Variants in CACNA1C observed in about 807,000 individuals in gnomAD.
The protein encoded by CACNA1C is calcium voltage-gated channel subunit alpha1 C.
A neutral mutation model predicts 229.0 loss-of-function variants in CACNA1C; 30 were observed. The observed-to-expected ratio is 0.13, with a 90% CI of 0.10 to 0.18. The LOEUF (loss-of-function observed/expected upper bound fraction) is 0.18. Among genes scored for constraint, CACNA1C ranks in the 10% least tolerant of loss-of-function variants. The probability of loss-of-function intolerance (pLI) is 1.00; values close to 1 mark genes in which losing one functional copy is unlikely to be tolerated. For missense variants in CACNA1C, 1,658 were observed against 2,845.0 expected (o/e 0.58, Z 9.49); for synonymous variants, 1,114 against 1,132.5 (o/e 0.98, Z 0.33).
chr12:2,314,471 C>T (rs536113678), intron 3 of CACNA1C, among the ~76,000 whole-genome samples: 2 of 152,340 alleles, frequency 1.3e-5, no homozygotes, highest in African/African-American at 2.4e-5. Flanking sequence ...AGACACAGAA[C>T]GTTACTCACA....
rs1303214053 is a variant in CACNA1C, at chr12:2,605,585, C to G, written c.3049-94C>G. 1.2e-6 allele frequency: 1 copy of G among 861,344 alleles called. No individual in the cohort carries two copies. The highest frequency in any genetic ancestry group is 2.0e-6 in the Non-Finnish European group (1 of 508,444). The allele number at this position is 861,344 out of a possible 1,614,324, so 53.4% of individuals were successfully genotyped here. A position where few individuals can be genotyped will look rare whatever the true frequency, so the allele number is the denominator to read the frequency against. On this transcript the variant is annotated intron_variant, in intron 23 of 46. Transcript: ENST00000399655. This position sits in a 1 kb window ranked among gnomAD's most constrained non-coding sequence, Gnocchi z 6.2. The stretch of plus-strand genomic sequence containing the variant: ...TTGCCCCTCTCAGCCCAATTACTCC[C>G]CGTTGTGGCAAACGGGCTGCCCCTG...
chr12:2,205,408 T>C (rs1299920405), intron 3 of CACNA1C, among the ~76,000 whole-genome samples: 1 of 152,208 alleles, frequency 6.6e-6, no homozygotes, highest in Admixed American at 6.5e-5. Flanking sequence ...TCGGGTCTCA[T>C]TATGTGTCAC....
At chr12:2,258,798 C>T (rs1002317159) in intron 3 of CACNA1C, among the ~76,000 whole-genome samples, 5 of 152,072 alleles carry the variant, frequency 3.3e-5, no homozygotes, top group African/African-American at 7.2e-5. Flanking sequence ...TTAAAGTTAC[C>T]GAATATTTCT....
At chr12:2,664,632 A>T (rs1446683708) in intron 34 of CACNA1C, among the ~76,000 whole-genome samples, 193 bp from the exon 35 acceptor site, 1 of 152,240 alleles carries the variant, frequency 6.6e-6, no homozygotes, top group Non-Finnish European at 1.5e-5. Flanking sequence ...TACTGTTTAT[A>T]TAAAATTTTA....
chr12:2,117,869 C>T (rs1022338305), intron 2 of CACNA1C, among the ~76,000 whole-genome samples: 1 of 152,204 alleles, frequency 6.6e-6, no homozygotes, highest in African/African-American at 2.4e-5. Flanking sequence ...GGGTGGCATT[C>T]CAAGATTGCT....
In CACNA1C at chr12:2,681,680, C is replaced by T. The variant is rs141610360; in HGVS notation, c.5445-870C>T. On this transcript the variant is annotated intron_variant, in intron 42 of 46. Coordinates refer to ENST00000399655, the MANE Select transcript of CACNA1C (RefSeq NM_000719.7). ...TCTCATCTTTCCTTCCACTGCGGGG[C>T]GGGTGGCAGTCTGCAGTCCTCCTCC... Among the ~76,000 whole-genome samples the T allele has an allele frequency of 1.2e-3, 188 of 152,214 alleles. 3 individuals carry two copies. In the East Asian group the frequency reaches 0.027, roughly 21 times the overall value.
intron 29 of CACNA1C, among the ~76,000 whole-genome samples, chr12:2,619,605 C>G (rs771360789): frequency 6.6e-6 from 1 of 152,162 alleles, no homozygotes; most frequent in South Asian, 2.1e-4. Context: ...CTATCACTCC[C>G]CTTTCCTGTG....
chr12:2,690,469 A>C (rs1235056496), intron 46 of CACNA1C, among the ~76,000 whole-genome samples: 1 of 152,192 alleles, frequency 6.6e-6, no homozygotes, highest in East Asian at 1.9e-4. Flanking sequence ...TGCTAAGATC[A>C]CAGGTGTGCA....
chr12:2,561,380 C>T (rs2047397612), intron 11 of CACNA1C, among the ~76,000 whole-genome samples: 1 of 152,192 alleles, frequency 6.6e-6, no homozygotes, highest in South Asian at 2.1e-4. Context: ...TCTGTGTCTC[C>T]GTGTAGCTTT....
At chr12:2,172,000 C>T (rs2096500568) in intron 3 of CACNA1C, among the ~76,000 whole-genome samples, 1 of 152,210 alleles carries the variant, frequency 6.6e-6, no homozygotes, top group Non-Finnish European at 1.5e-5. Flanking sequence ...AGAGACCAGT[C>T]TCTGAACCGA....
In CACNA1C at chr12:2,432,448, T is replaced by C. The variant is rs536187756; in HGVS notation, c.478-16528T>C. ...ATCATCAGCCTCAAAGACCTACCTC[T>C]GACTGACCTGGGGAAAGGGACTTGA... On this transcript the variant is annotated intron_variant, in intron 3 of 46. Coordinates refer to ENST00000399655, the MANE Select transcript of CACNA1C (RefSeq NM_000719.7). Among the ~76,000 whole-genome samples, 6 of 152,322 alleles carry C rather than the reference T, an allele frequency of 3.9e-5. No homozygotes were observed. In the South Asian group the frequency reaches 8.3e-4, roughly 21 times the overall value.
In CACNA1C at chr12:1,971,324, G is replaced by C; in HGVS notation, c.139+123G>C. On this transcript the variant is annotated intron_variant, in intron 1 of 46. Transcript: ENST00000682462. This position sits in a 1 kb window ranked among gnomAD's most constrained non-coding sequence, Gnocchi z 4.2. ...GAACTCATCTCTCCATATTTAATCAGGATTTACCACACACCGTTGTAAAAT... is the reference window on the plus strand; with the variant it reads ...GAACTCATCTCTCCATATTTAATCACGATTTACCACACACCGTTGTAAAAT... 1 of 485,886 alleles carries C rather than the reference G, an allele frequency of 2.1e-6. No individual in the cohort carries two copies. The highest frequency in any genetic ancestry group is 3.3e-6 in the Non-Finnish European group (1 of 303,514). 30.1% of individuals were successfully genotyped at this position (485,886 alleles called of 1,614,324 possible).
At chr12:2,031,283 C>T (rs569031942) in intron 1 of CACNA1C, among the ~76,000 whole-genome samples, 11 of 152,162 alleles carry the variant, frequency 7.2e-5, no homozygotes, top group African/African-American at 1.2e-4. Flanking sequence ...GGTCTCAGTA[C>T]GGAGAAACCA....
chr12:2,500,172 T>TA (rs944685897), intron 7 of CACNA1C, among the ~76,000 whole-genome samples: 11 of 152,048 alleles, frequency 7.2e-5, no homozygotes, highest in South Asian at 4.1e-4. Flanking sequence ...CTCGAACCTC[T>TA]AAAAAACCAG....
chr12:2,429,682 T>C (rs1323268035), intron 3 of CACNA1C, among the ~76,000 whole-genome samples: 3 of 152,176 alleles, frequency 2.0e-5, no homozygotes, highest in African/African-American at 7.2e-5. Flanking sequence ...GAGATGGCTT[T>C]GTAAGTTAAG....
At position 2,566,592 on chromosome 12, in the gene CACNA1C, G is replaced by A. The variant is rs576194052; in HGVS notation, c.1669+10G>A. ...CTCACAGAAGTCCAAGGTGAGCGGC[G>A]GCCCCAGCTCTGCTCTGGTTTCCTC... On this transcript the variant is annotated intron_variant, in intron 12 of 46. Coordinates refer to ENST00000399655, the MANE Select transcript of CACNA1C (RefSeq NM_000719.7). This position sits in a 1 kb window ranked among gnomAD's most constrained non-coding sequence, Gnocchi z 4.0. 1,349 of 1,588,314 alleles carry A rather than the reference G, an allele frequency of 8.5e-4. 15 individuals are homozygous for A. Among genetic ancestry groups the A allele is most frequent in the East Asian group, 6.0e-4 (26 of 43,356 alleles).
At chr12:2,057,222 C>T (rs1367772747) in intron 1 of CACNA1C, among the ~76,000 whole-genome samples, 1 of 152,234 alleles carries the variant, frequency 6.6e-6, no homozygotes, top group Non-Finnish European at 1.5e-5. Flanking sequence ...AAGGAGCATA[C>T]TGACTGGAGA....
chr12:2,167,065 C>A (rs188284774), intron 3 of CACNA1C, among the ~76,000 whole-genome samples: 6 of 152,352 alleles, frequency 3.9e-5, no homozygotes, highest in African/African-American at 1.2e-4. Flanking sequence ...TTGTTTCATT[C>A]ATTCAACCCA....
intron 24 of CACNA1C, 130 bp from the exon 25 acceptor site, chr12:2,606,481 C>G: frequency 1.3e-6 from 1 of 747,810 alleles, no homozygotes; most frequent in South Asian, 1.5e-5. Flanking sequence ...AGGTCCTGCC[C>G]ATCTGGATTC....
Sources: allele counts gnomAD v4.1 joint callset (sites outside exome capture counted in the v4.1 genomes callset), GRCh38; gene constraint gnomAD v4.1.1; non-coding constraint Gnocchi (gnomAD v3.1); transcripts MANE v1.5; gene names NCBI Gene and HGNC (gene_info 2026-07-23, HGNC 2026-07-21).